The following OR51G2 variants were observed in gnomAD, a reference collection of about 807,000 sequenced individuals.
OR51G2 encodes olfactory receptor 51G2.
A neutral mutation model predicts 11.8 loss-of-function variants in OR51G2; 13 were observed. That is an observed-to-expected ratio of 1.10 (90% confidence interval 0.72 to 1.76). OR51G2 has a LOEUF of 1.76. Among genes scored for constraint, OR51G2 ranks in the 40% most tolerant of loss-of-function variants. OR51G2 has a pLI of 0.00. For synonymous variants in OR51G2, 178 were observed against 151.9 expected, an observed-to-expected ratio of 1.17 and a Z score of -1.26; for missense variants, 474 against 394.4, an observed-to-expected ratio of 1.20 and a Z score of -1.71.
At chr11:4,916,488 A>T (rs1175038181) in intron 1 of OR51G2, among the ~76,000 whole-genome samples, 1 of 149,440 alleles carries the variant, frequency 6.7e-6, no homozygotes. Context: ...CTTTTCCTTT[A>T]TCTTACTGTG....
intron 1 of OR51G2, among the ~76,000 whole-genome samples, chr11:4,918,253 A>T (rs553080115): frequency 2.6e-5 from 4 of 152,214 alleles, no homozygotes; most frequent in South Asian, 2.1e-4. Flanking sequence ...AGTTGGAAAA[A>T]TTTTGGTTAA....
rs773791164 is a variant in OR51G2, at chr11:4,915,411, T to C, written c.253A>G (p.Thr85Ala). The stretch of plus-strand genomic sequence containing the variant: ...CCAACCCAAAAGATGCCCAGGACTG[T>C]AGGGAGAGTGCAAAGGGAGAGACCC... ...DLGLSLCTLP[T>A]VLGIFWVGAR... The change falls in exon 2 of 2, where the codon ACA becomes GCA. Residue 85 changes from threonine (T) to alanine (A), a missense_variant. Thr to Ala is a moderately conservative substitution (Grantham distance 58). Transcript: ENST00000641926. 1 of 1,613,842 alleles carries C rather than the reference T, an allele frequency of 6.2e-7. No homozygotes were observed. The highest frequency in any genetic ancestry group is 1.1e-5 in the South Asian group (1 of 91,054).
In OR51G2 at chr11:4,914,649, G is replaced by T; in HGVS notation, c.*70C>A. ...TAAATGTCTCCTTTATTTTATGCAT[G>T]TTAGAAATTATAAAGGATAGGCAAA... On this transcript the variant is annotated 3_prime_UTR_variant, in exon 2 of 2. Coordinates refer to ENST00000641926, the MANE Select transcript of OR51G2 (RefSeq NM_001005238.2). 1 of 1,017,016 alleles carries T rather than the reference G, an allele frequency of 9.8e-7. No individual in the cohort carries two copies. Among genetic ancestry groups the T allele is most frequent in the Non-Finnish European group, 1.5e-6 (1 of 685,682 alleles). The allele number at this position is 1,017,016 out of a possible 1,614,324, so 63.0% of individuals were successfully genotyped here. A position where few individuals can be genotyped will look rare whatever the true frequency, so the allele number is the denominator to read the frequency against.
chr11:4,915,286 G>C lies in OR51G2; in HGVS notation c.378C>G (p.Asp126Glu), dbSNP rs1292556582. The change falls in exon 2 of 2, where the codon GAC becomes GAG. Residue 126 changes from aspartate to glutamate, a missense_variant. Coordinates refer to ENST00000641926, the MANE Select transcript of OR51G2 (RefSeq NM_001005238.2). Reference sequence around the variant, plus strand: ...AGGGGTGGCAGATAGCCACAAAGCGGTCAAAGGCCATAGACAGTAGCACAG... The same window carrying C: ...AGGGGTGGCAGATAGCCACAAAGCGCTCAAAGGCCATAGACAGTAGCACAG... Reference protein sequence around the residue: ...ESSVLLSMAFDRFVAICHPLH... With the variant: ...ESSVLLSMAFERFVAICHPLH... The C allele has an allele frequency of 1.2e-6, 2 of 1,613,914 alleles. No individual in the cohort carries two copies. The highest frequency in any genetic ancestry group is 2.7e-5 in the African/African-American group (2 of 74,910).
chr11:4,918,722 G>C (rs1047408737), intron 1 of OR51G2, among the ~76,000 whole-genome samples: 2 of 152,180 alleles, frequency 1.3e-5, no homozygotes, highest in Non-Finnish European at 2.9e-5. Context: ...CTGCCCTCAA[G>C]TTGTTTTGCT....
intron 1 of OR51G2, among the ~76,000 whole-genome samples, chr11:4,916,415 C>T (rs1318823336): frequency 2.0e-5 from 3 of 152,008 alleles, no homozygotes; most frequent in African/African-American, 7.2e-5. Flanking sequence ...AAAAAAAGTC[C>T]TCACATGCCT....
intron 1 of OR51G2, among the ~76,000 whole-genome samples, chr11:4,918,180 C>T (rs958071038): frequency 1.3e-5 from 2 of 152,026 alleles, no homozygotes; most frequent in African/African-American, 2.4e-5. Flanking sequence ...AATCACGCAG[C>T]CAGTCAGTGC....
rs1851045228 is a variant in OR51G2 at position 4,914,646 on chromosome 11, C to T, written c.*73G>A. The T allele has an allele frequency of 1.0e-6, 1 of 955,204 alleles. No individual in the cohort carries two copies. The highest frequency in any genetic ancestry group is 2.6e-5 in the East Asian group (1 of 38,554). 59.2% of individuals were successfully genotyped at this position (955,204 alleles called of 1,614,324 possible). A position where few individuals can be genotyped will look rare whatever the true frequency, so the allele number is the denominator to read the frequency against. On this transcript the variant is annotated 3_prime_UTR_variant, in exon 2 of 2. Coordinates refer to ENST00000641926, the MANE Select transcript of OR51G2 (RefSeq NM_001005238.2). ...AAGTAAATGTCTCCTTTATTTTATGCATGTTAGAAATTATAAAGGATAGGC... is the reference window on the plus strand; with the variant it reads ...AAGTAAATGTCTCCTTTATTTTATGTATGTTAGAAATTATAAAGGATAGGC...
In OR51G2 at chr11:4,915,696, C is replaced by T; in HGVS notation, c.-33G>A. ...GGAGACAAGGGGGAAGGTGGGTGCC[C>T]TCCAAAATCCTGAAGTAAATTGAGG... On this transcript the variant is annotated 5_prime_UTR_variant, in exon 2 of 2. Transcript: ENST00000641926. The T allele has an allele frequency of 6.7e-7, 1 of 1,501,374 alleles. No individual in the cohort carries two copies. The highest frequency in any genetic ancestry group is 9.1e-7 in the Non-Finnish European group (1 of 1,097,222). The allele number at this position is 1,501,374 out of a possible 1,614,324, so 93.0% of individuals were successfully genotyped here. A position where few individuals can be genotyped will look rare whatever the true frequency, so the allele number is the denominator to read the frequency against.
chr11:4,914,771 C>A lies in OR51G2; in HGVS notation c.893G>T (p.Ser298Ile), dbSNP rs747957313. The A allele has an allele frequency of 1.2e-6, 2 of 1,613,976 alleles. No homozygotes were observed. Among genetic ancestry groups the A allele is most frequent in the African/African-American group, 2.7e-5 (2 of 75,006 alleles). The change falls in exon 2 of 2, where the codon AGT becomes ATT. Residue 298 changes from serine (S) to isoleucine (I), a missense_variant. Transcript: ENST00000641926. ...FPPVMNPIVYSVKTKQIRDRV... is the reference protein window; with the variant it reads ...FPPVMNPIVYIVKTKQIRDRV... ...ATCCCGGATCTGTTTGGTCTTCACACTGTAGACAATGGGATTCATCACAGG... is the reference window on the plus strand; with the variant it reads ...ATCCCGGATCTGTTTGGTCTTCACAATGTAGACAATGGGATTCATCACAGG...
intron 1 of OR51G2, among the ~76,000 whole-genome samples, chr11:4,917,984 G>A (rs1278852357): frequency 6.7e-6 from 1 of 150,302 alleles, no homozygotes; most frequent in Non-Finnish European, 1.5e-5. Flanking sequence ...ACATTAAAAT[G>A]AAATAGGATG....
At chr11:4,919,124 A>G (rs575590133) in intron 1 of OR51G2, 53 bp downstream of exon 1, 3 of 152,334 alleles carry the variant, frequency 2.0e-5, no homozygotes, top group South Asian at 2.1e-4. Context: ...AGCTGGTGCT[A>G]AGATCAGACC....
intron 1 of OR51G2, 132 bp from the exon 2 acceptor site, chr11:4,915,871 A>G (rs7116979): frequency 0.075 from 37,556 of 501,944 alleles, 2,130 homozygotes; most frequent in East Asian, 0.26. Context: ...CATAGTTTCA[A>G]TAAGAAGCAA....
chr11:4,915,509 A>C lies in OR51G2; in HGVS notation c.155T>G (p.Phe52Cys). 1 of 1,614,140 alleles carries C rather than the reference A, an allele frequency of 6.2e-7. No homozygotes were observed. Among genetic ancestry groups the C allele is most frequent in the South Asian group, 1.1e-5 (1 of 91,074 alleles). ...AAGTGAGCGCTCTGTTTTAATGATA[A>C]AAAGAATTGTGCAGTTGCCCGGGAT... The part of the protein sequence containing the change: ...VSIPGNCTIL[F>C]IIKTERSLHE... Residue 52 changes from phenylalanine (F) to cysteine (C), a missense_variant, in exon 2 of 2, where the codon TTT becomes TGT. Coordinates refer to ENST00000641926, the MANE Select transcript of OR51G2 (RefSeq NM_001005238.2).
In OR51G2 at chr11:4,913,301, G is replaced by T. The variant is rs181690277; in HGVS notation, c.*1418C>A. On this transcript the variant is annotated 3_prime_UTR_variant, in exon 2 of 2. Coordinates refer to ENST00000641926, the MANE Select transcript of OR51G2 (RefSeq NM_001005238.2). ...TGTTAAATGTCAGGTGTACTAGATT[G>T]CCTTGGAAGAGACCAACCTCAGGTG... The T allele has an allele frequency of 1.2e-4, 18 of 152,314 alleles. No individual in the cohort carries two copies. Among genetic ancestry groups the T allele is most frequent in the African/African-American group, 4.1e-4 (17 of 41,550 alleles). 9.4% of individuals were successfully genotyped at this position (152,314 alleles called of 1,614,324 possible).
chr11:4,918,042 A>T (rs1421486359), intron 1 of OR51G2, among the ~76,000 whole-genome samples: 1 of 151,954 alleles, frequency 6.6e-6, no homozygotes, highest in Admixed American at 6.5e-5. Flanking sequence ...ACAATTTGCC[A>T]GGCTCTGTAT....
rs116265898 is a variant in OR51G2, at chr11:4,913,226, G to A, written c.*1493C>T. The A allele has an allele frequency of 1.6e-3, 247 of 152,252 alleles. No individual in the cohort carries two copies. The highest frequency in any genetic ancestry group is 5.6e-3 in the African/African-American group (233 of 41,540). The allele number at this position is 152,252 out of a possible 1,614,324, so 9.4% of individuals were successfully genotyped here. On this transcript the variant is annotated 3_prime_UTR_variant, in exon 2 of 2. Coordinates refer to ENST00000641926, the MANE Select transcript of OR51G2 (RefSeq NM_001005238.2). ...ATCATTGCAGAAACAGTGTTCTCATGCCAAACAGGAGGGGACACTGGTGTT... is the reference window on the plus strand; with the variant it reads ...ATCATTGCAGAAACAGTGTTCTCATACCAAACAGGAGGGGACACTGGTGTT...
Position 4,912,877 on chromosome 11 carries a change from C to T in OR51G2, c.*1842G>A, listed in dbSNP as rs1037853825. On this transcript the variant is annotated 3_prime_UTR_variant, in exon 2 of 2. Coordinates refer to ENST00000641926, the MANE Select transcript of OR51G2 (RefSeq NM_001005238.2). Reference sequence around the variant, plus strand: ...TTAGATTAACTTACGTCTCACTTCTCTTACACAAAAACCTCAGGACTATCA... The same window carrying T: ...TTAGATTAACTTACGTCTCACTTCTTTTACACAAAAACCTCAGGACTATCA... The T allele has an allele frequency of 4.6e-5, 7 of 151,958 alleles. No individual in the cohort carries two copies. The highest frequency in any genetic ancestry group is 1.7e-4 in the African/African-American group (7 of 41,356). The allele number at this position is 151,958 out of a possible 1,614,324, so 9.4% of individuals were successfully genotyped here. A position where few individuals can be genotyped will look rare whatever the true frequency, so the allele number is the denominator to read the frequency against.
chr11:4,915,945 C>T (rs1456281220), intron 1 of OR51G2, among the ~76,000 whole-genome samples: 2 of 152,110 alleles, frequency 1.3e-5, no homozygotes, highest in African/African-American at 4.8e-5. Context: ...TGAGCCGCTC[C>T]ACCCTTTTTG....
Sources: allele counts gnomAD v4.1 joint callset (sites outside exome capture counted in the v4.1 genomes callset), GRCh38; gene constraint gnomAD v4.1.1; transcripts MANE v1.5; gene names NCBI Gene and HGNC (gene_info 2026-07-23, HGNC 2026-07-21).